Variants in NEGR1 observed in about 807,000 individuals in gnomAD.
NEGR1 encodes the protein IgLON family member 4.
NEGR1 carries 10 observed loss-of-function variants against 40.9 expected under a neutral mutation model. That is an observed-to-expected ratio of 0.24 (90% confidence interval 0.15 to 0.42). The LOEUF is 0.42. Ranked by LOEUF, NEGR1 falls within the 10% of genes least tolerant of loss-of-function variation. NEGR1 has a pLI of 1.00. For synonymous variants in NEGR1, 185 were observed against 166.8 expected (o/e 1.11, Z -0.84); for missense variants, 352 against 438.9 (o/e 0.80, Z 1.77).
At chr1:71,547,270 T>C (rs1025038471) in intron 6 of NEGR1, among the ~76,000 whole-genome samples, 1 of 151,778 alleles carries the variant, frequency 6.6e-6, no homozygotes, top group Non-Finnish European at 1.5e-5. Context: ...CCTTCCCTTG[T>C]TGTCTGGTAC....
intron 6 of NEGR1, among the ~76,000 whole-genome samples, chr1:71,525,348 T>A (rs1647204549): frequency 6.6e-6 from 1 of 151,734 alleles, no homozygotes; most frequent in Admixed American, 6.6e-5. Context: ...CCAGCCTTTG[T>A]TTCCCTTCCT....
chr1:71,795,926 G>A (rs1156823045), intron 2 of NEGR1, among the ~76,000 whole-genome samples: 3 of 152,058 alleles, frequency 2.0e-5, no homozygotes, highest in Non-Finnish European at 4.4e-5. Flanking sequence ...TTTAGACCAG[G>A]CTGAACTTTG....
chr1:72,057,811 A>G (rs1362219490), intron 1 of NEGR1, among the ~76,000 whole-genome samples: 1 of 151,378 alleles, frequency 6.6e-6, no homozygotes, highest in Admixed American at 6.6e-5. Context: ...CTGTGTTCTC[A>G]CATGGCAGAG....
chr1:71,559,458 A>G (rs551926211), intron 6 of NEGR1, among the ~76,000 whole-genome samples: 4 of 151,630 alleles, frequency 2.6e-5, no homozygotes, highest in South Asian at 4.2e-4. Flanking sequence ...TCTGCATTCC[A>G]TCTTGTGTTT....
At chr1:71,874,527 A>G (rs1660369924) in intron 2 of NEGR1, among the ~76,000 whole-genome samples, 1 of 152,232 alleles carries the variant, frequency 6.6e-6, no homozygotes, top group Middle Eastern at 3.4e-3. Context: ...ACAAAGCAAC[A>G]TCACCTGGGT....
chr1:72,213,007 G>GCAC (rs1350684560), intron 1 of NEGR1, among the ~76,000 whole-genome samples: 3 of 151,850 alleles, frequency 2.0e-5, no homozygotes, highest in African/African-American at 7.2e-5. Context: ...TATGGAGTAG[G>GCAC]GGTGAGAAGC....
chr1:71,581,724 A>G (rs1649140986), intron 6 of NEGR1, among the ~76,000 whole-genome samples: 1 of 146,530 alleles, frequency 6.8e-6, no homozygotes, highest in Admixed American at 6.8e-5. Flanking sequence ...TAAATTTGAG[A>G]CCGGGTCTCA....
intron 1 of NEGR1, among the ~76,000 whole-genome samples, chr1:72,277,926 C>T (rs1337779104): frequency 6.6e-6 from 1 of 152,082 alleles, no homozygotes; most frequent in East Asian, 1.9e-4. Context: ...TCTGTATTCT[C>T]ATACAGAAAT....
At chr1:72,033,545 TTTCAAGTAAA>T (rs1361227348) in intron 1 of NEGR1, among the ~76,000 whole-genome samples, 1 of 152,190 alleles carries the variant, frequency 6.6e-6, no homozygotes, top group East Asian at 1.9e-4. Flanking sequence ...ACTATTTCAC[TTTCAAGTAAA>T]TTCATGCACA....
chr1:71,564,561 TTCTC>T (rs1161942567), intron 6 of NEGR1, among the ~76,000 whole-genome samples: 1 of 152,118 alleles, frequency 6.6e-6, no homozygotes, highest in African/African-American at 2.4e-5. Flanking sequence ...TGTCTCAATC[TTCTC>T]TCTTAGTGTT....
chr1:71,684,611 T>C (rs1335919341), intron 4 of NEGR1, among the ~76,000 whole-genome samples: 2 of 152,234 alleles, frequency 1.3e-5, no homozygotes, highest in Non-Finnish European at 2.9e-5. Context: ...TAATTCTATA[T>C]GTAGAGTCTC....
chr1:72,117,806 T>A (rs1649638457), intron 1 of NEGR1, among the ~76,000 whole-genome samples: 1 of 151,850 alleles, frequency 6.6e-6, no homozygotes, highest in African/African-American at 2.4e-5. Context: ...AGCAGAGGGA[T>A]GTTCACTTGC....
rs550045148 is a variant in NEGR1, at chr1:71,472,555, T to G, written c.941-64985A>C. 5 of 152,242 alleles carry G rather than the reference T, an allele frequency of 3.3e-5. No homozygotes were observed. The South Asian group carries it at 1.0e-3, about 32-fold the overall frequency. The allele number at this position is 152,242 out of a possible 1,614,324, so 9.4% of individuals were successfully genotyped here. A position where few individuals can be genotyped will look rare whatever the true frequency, so the allele number is the denominator to read the frequency against. On this transcript the variant is annotated intron_variant, in intron 6 of 6. Transcript: ENST00000357731. ...ACTTGAAAATTGGAAGCAACTTGAT[T>G]TATCTACAGCTCCATTATCTTTCCA...
At chr1:71,882,981 C>G (rs771259341) in intron 2 of NEGR1, among the ~76,000 whole-genome samples, 1 of 152,100 alleles carries the variant, frequency 6.6e-6, no homozygotes, top group Non-Finnish European at 1.5e-5. Context: ...TGATCCTTTG[C>G]AACCATTTGT....
intron 6 of NEGR1, among the ~76,000 whole-genome samples, chr1:71,499,338 A>G (rs1167064259): frequency 6.6e-6 from 1 of 151,572 alleles, no homozygotes; most frequent in Non-Finnish European, 1.5e-5. Flanking sequence ...GGCAGTTTAC[A>G]ATCACCTAGT....
chr1:71,996,756 A>G (rs1403941452), intron 1 of NEGR1, among the ~76,000 whole-genome samples: 1 of 152,058 alleles, frequency 6.6e-6, no homozygotes, highest in African/African-American at 2.4e-5. Context: ...CATAAATAAA[A>G]TGATCTTTGC....
At chr1:71,690,104 A>C (rs1392702266) in intron 4 of NEGR1, among the ~76,000 whole-genome samples, 1 of 152,116 alleles carries the variant, frequency 6.6e-6, no homozygotes, top group South Asian at 2.1e-4. Flanking sequence ...GCCCCTAATC[A>C]TTCCACTTCT....
At chr1:71,544,975 G>A (rs2101461800) in intron 6 of NEGR1, among the ~76,000 whole-genome samples, 1 of 151,744 alleles carries the variant, frequency 6.6e-6, no homozygotes, top group South Asian at 2.1e-4. Context: ...TGCCTGGGCA[G>A]GTCTCTTGCT....
At chr1:72,025,649 CAG>C (rs1423594229) in intron 1 of NEGR1, among the ~76,000 whole-genome samples, 1 of 152,108 alleles carries the variant, frequency 6.6e-6, no homozygotes, top group Non-Finnish European at 1.5e-5. Context: ...GAAAATAAAG[CAG>C]AGTTTTAATT....
Sources: allele counts gnomAD v4.1 joint callset (sites outside exome capture counted in the v4.1 genomes callset), GRCh38; gene constraint gnomAD v4.1.1; transcripts MANE v1.5; gene names NCBI Gene and HGNC (gene_info 2026-07-23, HGNC 2026-07-21).